TRAP1: variants seen among roughly 807,000 people sequenced by gnomAD.
TRAP1 encodes heat shock protein 75 kDa, mitochondrial.
TRAP1 carries 102 observed loss-of-function variants against 89.1 expected under a neutral mutation model. The observed-to-expected ratio is 1.15, with a 90% confidence interval of 0.98 to 1.35. The LOEUF is 1.35. Ranked by LOEUF, TRAP1 falls within the 40% of genes most tolerant of loss-of-function variation. The probability of loss-of-function intolerance (pLI) is 0.00; values close to 1 mark genes in which losing one functional copy is unlikely to be tolerated. For missense variants in TRAP1, 1,256 were observed against 945.3 expected (o/e 1.33, Z -4.31); for synonymous variants, 508 against 388.0 (o/e 1.31, Z -3.64).
At chr16:3,666,237 C>T (rs2050827013) in intron 11 of TRAP1, 119 bp from the exon 12 acceptor site, 8 of 1,247,636 alleles carry the variant, frequency 6.4e-6, no homozygotes, top group African/African-American at 1.5e-5. Context: ...CAACAAGGTA[C>T]CGTTATTGGC....
intron 3 of TRAP1, 103 bp downstream of exon 3, chr16:3,688,952 C>A: frequency 9.3e-7 from 1 of 1,075,684 alleles, no homozygotes; most frequent in Non-Finnish European, 1.4e-6. Context: ...TTAATGCTTT[C>A]TCACAGCTAA....
chr16:3,686,725 C>T (rs2151266469), intron 3 of TRAP1, among the ~76,000 whole-genome samples: 1 of 152,242 alleles, frequency 6.6e-6, no homozygotes, highest in East Asian at 1.9e-4. Context: ...AATCCAGGCA[C>T]TTTGGGAGGC....
chr16:3,658,547 C>A, intron 17 of TRAP1: 1 of 576,350 alleles, frequency 1.7e-6, no homozygotes, highest in Non-Finnish European at 3.1e-6. Flanking sequence ...CAGGCGCATG[C>A]CTGTAGTCCC....
Position 3,691,397 on chromosome 16 carries a change from T to G in TRAP1, c.89-412A>C, listed in dbSNP as rs2051212663. ...ATGCCCCCATAATTTTTTAAAAAAT[T>G]TTTTGTAGAAATGGGGTTTTGCTAT... is the stretch of plus-strand genomic sequence containing the variant. On this transcript the variant is annotated intron_variant, in intron 1 of 17. Coordinates refer to ENST00000246957, the MANE Select transcript of TRAP1 (RefSeq NM_016292.3). 2.0e-5 allele frequency among the ~76,000 whole-genome samples: 3 copies of G among 152,080 alleles called. 1 individual carries two copies. The South Asian group carries it at 6.2e-4, about 32-fold the overall frequency.
At chr16:3,679,152 G>A (rs567784567) in intron 5 of TRAP1, among the ~76,000 whole-genome samples, 6 of 152,174 alleles carry the variant, frequency 3.9e-5, no homozygotes, top group East Asian at 1.9e-4. Flanking sequence ...TTGGCCAGGC[G>A]TGGTGGCTCG....
intron 1 of TRAP1, among the ~76,000 whole-genome samples, chr16:3,703,957 G>A (rs1049606753): frequency 2.0e-5 from 3 of 151,818 alleles, no homozygotes; most frequent in African/African-American, 4.8e-5. Flanking sequence ...GGAGCGTGCA[G>A]TGAGCCGAGA....
intron 1 of TRAP1, among the ~76,000 whole-genome samples, chr16:3,700,973 T>C (rs1005858893): frequency 6.6e-6 from 1 of 152,166 alleles, no homozygotes; most frequent in Non-Finnish European, 1.5e-5. Context: ...ATATTTACTC[T>C]TACATTAACA....
rs764259574 is a variant in TRAP1, at chr16:3,712,285, C to CAAA, written c.88+5133_88+5135dup. Reference sequence around the variant, plus strand: ...GCCTGGCGACAGAAAGAATCTGTCTCAAAAAAAAAAAAAAAAAAAAAAAAA... The same window carrying CAAA: ...GCCTGGCGACAGAAAGAATCTGTCTCAAAAAAAAAAAAAAAAAAAAAAAAAAAA... On this transcript the variant is annotated intron_variant, in intron 1 of 17. Transcript: ENST00000246957. Among the ~76,000 whole-genome samples, 289 of 32,084 alleles carry CAAA rather than the reference C, an allele frequency of 9.0e-3. 14 individuals carry two copies. The highest frequency in any genetic ancestry group is 0.011 in the East Asian group (9 of 832). The allele number at this position is 32,084 out of a possible 152,430, so 21.0% of individuals were successfully genotyped here. A position where few individuals can be genotyped will look rare whatever the true frequency, so the allele number is the denominator to read the frequency against.
intron 4 of TRAP1, among the ~76,000 whole-genome samples, chr16:3,685,749 C>G (rs1053213407): frequency 6.6e-6 from 1 of 152,186 alleles, no homozygotes; most frequent in Non-Finnish European, 1.5e-5. Flanking sequence ...TGGCCATATG[C>G]TAAGATGTTA....
rs2051014445 is a variant in TRAP1 at position 3,677,507 on chromosome 16, A to T, written c.695T>A (p.Leu232His). ...GACATTCGTCACTCACCCATCTGAAAGCCACTGGTAACCCAGGCTCCCCGG... is the reference window on the plus strand; with the variant it reads ...GACATTCGTCACTCACCCATCTGAATGCCACTGGTAACCCAGGCTCCCCGG... ...AAPGSLGYQW[L>H]SDGSGVFEIA... The change falls in exon 6 of 18, where the codon CTT becomes CAT. Residue 232 changes from leucine to histidine, a missense_variant. Physicochemically the swap from Leu to His is moderately conservative, Grantham distance 99 (BLOSUM62 -3). Transcript: ENST00000246957. 1.9e-6 allele frequency: 3 copies of T among 1,614,052 alleles called. No individual in the cohort carries two copies. The highest frequency in any genetic ancestry group is 2.5e-6 in the Non-Finnish European group (3 of 1,180,042).
At chr16:3,714,111 A>G (rs757553744) in intron 1 of TRAP1, among the ~76,000 whole-genome samples, 8 of 152,090 alleles carry the variant, frequency 5.3e-5, no homozygotes, top group Non-Finnish European at 1.0e-4. Context: ...AGCCTTGGAC[A>G]CTCGGCCCAA....
intron 14 of TRAP1, 140 bp from the exon 15 acceptor site, chr16:3,663,107 A>G: frequency 1.4e-6 from 1 of 730,696 alleles, no homozygotes; most frequent in Non-Finnish European, 2.2e-6. Flanking sequence ...CTTTTCATCT[A>G]AAAGTAAAAC....
At position 3,710,873 on chromosome 16, in the gene TRAP1, A is replaced by ATTTTTTTT. The variant is rs199927286; in HGVS notation, c.88+6547_88+6548insAAAAAAAA. Among the ~76,000 whole-genome samples, 284 of 105,986 alleles carry ATTTTTTTT rather than the reference A, an allele frequency of 2.7e-3. 3 individuals carry two copies. The highest frequency in any genetic ancestry group is 0.013 in the African/African-American group (271 of 20,624). 69.5% of individuals were successfully genotyped at this position (105,986 alleles called of 152,430 possible). A position where few individuals can be genotyped will look rare whatever the true frequency, so the allele number is the denominator to read the frequency against. ...TGTGTGTGTGTATATATATATATAT[A>ATTTTTTTT]TATATATTTTTTTTTTTGAGACACT... On this transcript the variant is annotated intron_variant, in intron 1 of 17. Transcript: ENST00000246957.
intron 1 of TRAP1, among the ~76,000 whole-genome samples, chr16:3,696,504 C>T (rs886437265): frequency 6.6e-5 from 10 of 152,108 alleles, no homozygotes; most frequent in South Asian, 2.1e-4. Context: ...CAAGGAATGG[C>T]AGAAAACAGA....
intron 9 of TRAP1, 149 bp downstream of exon 9, chr16:3,674,190 G>T: frequency 8.9e-7 from 1 of 1,127,768 alleles, no homozygotes; most frequent in Non-Finnish European, 1.2e-6. Context: ...CAAAGTGCTG[G>T]GATAACAGGC....
chr16:3,716,920 C>T (rs2051604934), intron 1 of TRAP1, among the ~76,000 whole-genome samples: 1 of 152,218 alleles, frequency 6.6e-6, no homozygotes. Flanking sequence ...GCGCCGGGCA[C>T]TGAGCGGGCG....
At chr16:3,714,942 A>G (rs532784091) in intron 1 of TRAP1, among the ~76,000 whole-genome samples, 1 of 152,274 alleles carries the variant, frequency 6.6e-6, no homozygotes, top group African/African-American at 2.4e-5. Flanking sequence ...CAAGACATGT[A>G]TTTTCTTAGC....
chr16:3,683,533 A>G (rs2051100060), intron 4 of TRAP1, among the ~76,000 whole-genome samples: 1 of 151,628 alleles, frequency 6.6e-6, no homozygotes, highest in African/African-American at 2.4e-5. Context: ...TTACAGGTGC[A>G]CACCACCACA....
chr16:3,674,186 G>A (rs2151254144), intron 9 of TRAP1, 153 bp downstream of exon 9: 1 of 1,090,082 alleles, frequency 9.2e-7, no homozygotes, highest in East Asian at 2.6e-5. Flanking sequence ...CTCCCAAAGT[G>A]CTGGGATAAC....
Sources: allele counts gnomAD v4.1 joint callset (sites outside exome capture counted in the v4.1 genomes callset), GRCh38; gene constraint gnomAD v4.1.1; transcripts MANE v1.5; gene names NCBI Gene and HGNC (gene_info 2026-07-23, HGNC 2026-07-21).